The following MLF1 variants were observed in gnomAD, a reference collection of about 807,000 sequenced individuals.
MLF1 encodes myelodysplasia-myeloid leukemia factor 1.
A neutral mutation model predicts 38.3 loss-of-function variants in MLF1; 37 were observed. That is an observed-to-expected ratio of 0.96 (90% confidence interval 0.74 to 1.27). The LOEUF is 1.27. Among genes scored for constraint, MLF1 ranks in the 50% most tolerant of loss-of-function variants. The pLI is 0.00. For missense variants in MLF1, 331 were observed against 349.2 expected, an observed-to-expected ratio of 0.95 and a Z score of 0.42; for synonymous variants, 95 against 106.5, an observed-to-expected ratio of 0.89 and a Z score of 0.66.
At chr3:158,579,631 T>G (rs1560097278) in intron 1 of MLF1, among the ~76,000 whole-genome samples, 1 of 152,250 alleles carries the variant, frequency 6.6e-6, no homozygotes, top group African/African-American at 2.4e-5. Context: ...TTTTGTTGAT[T>G]AATTTTTAGC....
intron 6 of MLF1, among the ~76,000 whole-genome samples, chr3:158,601,097 G>GT (rs1719677427): frequency 6.6e-6 from 1 of 151,918 alleles, no homozygotes; most frequent in African/African-American, 2.4e-5. Flanking sequence ...TTTGAATAAT[G>GT]TTTTTCCATA....
At chr3:158,581,043 A>G (rs1329158931) in intron 1 of MLF1, among the ~76,000 whole-genome samples, 1 of 152,200 alleles carries the variant, frequency 6.6e-6, no homozygotes, top group African/African-American at 2.4e-5. Context: ...CTTTTCTTGT[A>G]TATAGCAGAG....
intron 1 of MLF1, among the ~76,000 whole-genome samples, chr3:158,572,155 AGG>A (rs1714512930): frequency 1.7e-5 from 1 of 60,192 alleles, no homozygotes; most frequent in Non-Finnish European, 3.1e-5. Flanking sequence ...AGGAGGGTTG[AGG>A]ACGTGAGGTG....
At chr3:158,590,862 T>C in intron 1 of MLF1, 1 of 448,002 alleles carries the variant, frequency 2.2e-6, no homozygotes, top group Admixed American at 2.5e-5. Flanking sequence ...GTAAATTTCG[T>C]TGAATGTAAA....
rs1394322825 is a variant in MLF1 at position 158,590,681 on chromosome 3, A to G, written c.48-1753A>G. On this transcript the variant is annotated intron_variant, in intron 1 of 7. Coordinates refer to ENST00000466246, the MANE Select transcript of MLF1 (RefSeq NM_001369783.1). ...TTCCATTATATGAAATCTGGAGAAG[A>G]CCAAACTATAATGACAGAAAGCCTA... 7.3e-6 allele frequency: 3 copies of G among 412,980 alleles called. No homozygotes were observed. The East Asian group carries it at 2.1e-4, about 29-fold the overall frequency. 25.6% of individuals were successfully genotyped at this position (412,980 alleles called of 1,614,324 possible).
intron 1 of MLF1, among the ~76,000 whole-genome samples, chr3:158,577,508 T>A (rs1314602801): frequency 1.3e-5 from 2 of 152,226 alleles, no homozygotes; most frequent in African/African-American, 4.8e-5. Context: ...AAGGTCCCAC[T>A]TTATTCTAAG....
At chr3:158,596,809 C>T in intron 3 of MLF1, 53 bp from the exon 4 acceptor site, 4 of 1,171,068 alleles carry the variant, frequency 3.4e-6, no homozygotes, top group Non-Finnish European at 3.7e-6. Context: ...GATGTATTTG[C>T]ATCTTTTGTG....
At chr3:158,571,736 A>G (rs1212407929) in intron 1 of MLF1, among the ~76,000 whole-genome samples, 5 of 56,206 alleles carry the variant, frequency 8.9e-5, no homozygotes, top group African/African-American at 7.6e-5. Context: ...GCGTGAGGTG[A>G]GGGAAGGGTT....
intron 1 of MLF1, among the ~76,000 whole-genome samples, chr3:158,572,152 T>TC (rs1714511937): frequency 2.0e-5 from 1 of 50,342 alleles, no homozygotes; most frequent in Non-Finnish European, 3.8e-5. Flanking sequence ...AGGAGGAGGG[T>TC]TGAGGACGTG....
At chr3:158,571,720 T>G (rs1576629378) in intron 1 of MLF1, among the ~76,000 whole-genome samples, 1 of 67,682 alleles carries the variant, frequency 1.5e-5, no homozygotes, top group Non-Finnish European at 2.9e-5. Flanking sequence ...GGAGAAGAGG[T>G]TGAGGGCGTG....
chr3:158,583,069 A>G (rs1716662376), intron 1 of MLF1: 1 of 511,826 alleles, frequency 2.0e-6, no homozygotes, highest in African/African-American at 2.0e-5. Flanking sequence ...CTTTCCCCCA[A>G]GTGTATATCC....
At chr3:158,593,456 G>A (rs752164745) in intron 3 of MLF1, 30 bp downstream of exon 3, 7 of 1,521,970 alleles carry the variant, frequency 4.6e-6, no homozygotes, top group African/African-American at 1.4e-5. Context: ...AATCATTTTA[G>A]CAATATTTTC....
intron 2 of MLF1, 35 bp downstream of exon 2, chr3:158,592,616 G>A (rs1718323917): frequency 6.5e-7 from 1 of 1,542,064 alleles, no homozygotes; most frequent in South Asian, 1.2e-5. Flanking sequence ...TAGTGAGAAG[G>A]CCCTGTAGGA....
At chr3:158,586,318 A>T (rs1717258929) in intron 1 of MLF1, among the ~76,000 whole-genome samples, 1 of 152,134 alleles carries the variant, frequency 6.6e-6, no homozygotes, top group Non-Finnish European at 1.5e-5. Flanking sequence ...ATTTCTTAGA[A>T]AGAATGAGAA....
chr3:158,597,019 C>T, intron 4 of MLF1, 74 bp downstream of exon 4: 1 of 951,934 alleles, frequency 1.1e-6, no homozygotes, highest in South Asian at 1.6e-5. Flanking sequence ...GGCTTTCAAA[C>T]ACTTTTTTAA....
intron 4 of MLF1, 38 bp from the exon 5 acceptor site, chr3:158,598,042 A>T (rs759938212): frequency 1.2e-6 from 2 of 1,604,106 alleles, no homozygotes; most frequent in South Asian, 1.1e-5. Context: ...AATTATTTAT[A>T]TTTGACTCGA....
At chr3:158,575,507 C>G (rs1715291853) in intron 1 of MLF1, among the ~76,000 whole-genome samples, 1 of 152,090 alleles carries the variant, frequency 6.6e-6, no homozygotes, top group Admixed American at 6.5e-5. Context: ...CCTCAACCCC[C>G]AAACAAAATG....
At chr3:158,583,864 T>C (rs1291062789) in intron 1 of MLF1, among the ~76,000 whole-genome samples, 1 of 152,110 alleles carries the variant, frequency 6.6e-6, no homozygotes, top group Non-Finnish European at 1.5e-5. Flanking sequence ...TTCTAGAAAA[T>C]AGTGTAACTA....
intron 1 of MLF1, among the ~76,000 whole-genome samples, chr3:158,576,202 G>T (rs898551413): frequency 6.6e-6 from 1 of 152,070 alleles, no homozygotes; most frequent in Admixed American, 6.6e-5. Context: ...TTAAACTTTG[G>T]TATCTCATTA....
Sources: allele counts gnomAD v4.1 joint callset (sites outside exome capture counted in the v4.1 genomes callset), GRCh38; gene constraint gnomAD v4.1.1; transcripts MANE v1.5; gene names NCBI Gene and HGNC (gene_info 2026-07-23, HGNC 2026-07-21).